Variants in ZMAT3 observed in about 807,000 individuals in gnomAD.
ZMAT3 encodes zinc finger matrin-type protein 3.
A neutral mutation model predicts 32.3 loss-of-function variants in ZMAT3; 17 were observed. The ratio of observed to expected loss-of-function variants is 0.53; its 90% confidence interval spans 0.36 to 0.79. The LOEUF (loss-of-function observed/expected upper bound fraction) is 0.79. Among genes scored for constraint, ZMAT3 ranks in the 30% least tolerant of loss-of-function variants. ZMAT3 has a pLI of 0.00. For missense variants in ZMAT3, 329 were observed against 359.7 expected, an observed-to-expected ratio of 0.91 and a Z score of 0.69; for synonymous variants, 120 against 133.1, an observed-to-expected ratio of 0.90 and a Z score of 0.68.
At chr3:179,044,622 C>A (rs556896376) in intron 2 of ZMAT3, among the ~76,000 whole-genome samples, 44 of 151,808 alleles carry the variant, frequency 2.9e-4, no homozygotes, top group Admixed American at 6.6e-4. Context: ...CCCGCCTGGA[C>A]GACAGAGCAA....
In ZMAT3 at chr3:179,049,294, A is replaced by C. The variant is rs137975576; in HGVS notation, c.270+18189T>G. On this transcript the variant is annotated intron_variant, in intron 2 of 5. Transcript: ENST00000311417. ...GACAGAAAGTCAACAAAGAAACAAT[A>C]AACTATACGTTACAATAAATGCACT... 2.1e-3 allele frequency among the ~76,000 whole-genome samples: 314 copies of C among 152,292 alleles called. 3 individuals are homozygous for C. Among genetic ancestry groups the C allele is most frequent in the African/African-American group, 7.1e-3 (294 of 41,570 alleles).
chr3:179,039,540 A>C (rs776923581), intron 2 of ZMAT3, among the ~76,000 whole-genome samples: 1 of 152,238 alleles, frequency 6.6e-6, no homozygotes, highest in Non-Finnish European at 1.5e-5. Flanking sequence ...ATCAACATCA[A>C]CAAAAAGAAC....
Position 179,025,272 on chromosome 3 carries a change from G to A in ZMAT3, c.659-44C>T, listed in dbSNP as rs182365381. The A allele has an allele frequency of 6.6e-5, 96 of 1,461,010 alleles. No individual in the cohort carries two copies. In the East Asian group the frequency reaches 2.1e-3, roughly 31 times the overall value. The allele number at this position is 1,461,010 out of a possible 1,614,324, so 90.5% of individuals were successfully genotyped here. A position where few individuals can be genotyped will look rare whatever the true frequency, so the allele number is the denominator to read the frequency against. The stretch of plus-strand genomic sequence containing the variant: ...ATAATATATTCAAAATATTCATTAA[G>A]TGAATGACAACCTGACCAATTATCA... On this transcript the variant is annotated intron_variant, in intron 5 of 5. Transcript: ENST00000311417.
chr3:179,053,869 T>A (rs1482382853), intron 2 of ZMAT3, among the ~76,000 whole-genome samples: 1 of 152,170 alleles, frequency 6.6e-6, no homozygotes, highest in Non-Finnish European at 1.5e-5. Flanking sequence ...GAAAACTACC[T>A]GCAAAATTTC....
intron 2 of ZMAT3, among the ~76,000 whole-genome samples, chr3:179,055,926 T>C (rs988984383): frequency 2.0e-5 from 3 of 152,170 alleles, no homozygotes; most frequent in Non-Finnish European, 2.9e-5. Flanking sequence ...CAGTTCCCAG[T>C]GTAGACCCTC....
chr3:179,065,612 T>G (rs902252851), intron 2 of ZMAT3, among the ~76,000 whole-genome samples: 1 of 152,330 alleles, frequency 6.6e-6, no homozygotes, highest in East Asian at 1.9e-4. Flanking sequence ...GCCCGAGAGT[T>G]TTCCCTCATA....
chr3:179,034,181 C>T (rs1719455146), intron 2 of ZMAT3, among the ~76,000 whole-genome samples: 1 of 152,188 alleles, frequency 6.6e-6, no homozygotes, highest in South Asian at 2.1e-4. Context: ...ATATGCTAAG[C>T]CCTAGAAATA....
rs146945768 is a variant in ZMAT3 at position 179,056,230 on chromosome 3, C to T, written c.270+11253G>A. On this transcript the variant is annotated intron_variant, in intron 2 of 5. Transcript: ENST00000311417. ...AAACTTCAAAAGTCTGCCTTAGGCC[C>T]GGAGCAGAACTTAGAAACCCTATTT... 1.1e-4 allele frequency among the ~76,000 whole-genome samples: 17 copies of T among 151,986 alleles called. No homozygotes were observed. In the East Asian group the frequency reaches 1.9e-3, roughly 17 times the overall value.
At chr3:179,035,313 G>A (rs1198654939) in intron 2 of ZMAT3, among the ~76,000 whole-genome samples, 1 of 152,174 alleles carries the variant, frequency 6.6e-6, no homozygotes, top group African/African-American at 2.4e-5. Context: ...TGCTCATTAT[G>A]CTCCTGGCTC....
At chr3:179,052,065 C>T (rs1720595763) in intron 2 of ZMAT3, among the ~76,000 whole-genome samples, 1 of 152,070 alleles carries the variant, frequency 6.6e-6, no homozygotes, top group African/African-American at 2.4e-5. Context: ...AACCTGAAAC[C>T]ATAAAAATTC....
intron 2 of ZMAT3, among the ~76,000 whole-genome samples, chr3:179,062,186 G>T (rs2108584967): frequency 6.6e-6 from 1 of 152,290 alleles, no homozygotes; most frequent in East Asian, 1.9e-4. Context: ...TAAGATCATG[G>T]TGACAATGGA....
chr3:179,024,002 G>A lies in ZMAT3; in HGVS notation c.*1015C>T, dbSNP rs1365456676. ...CCCAAAGTGCTGGGATTACAGGCGT[G>A]AGCCACCGCGCCCGGCCCTATTTTT... On this transcript the variant is annotated 3_prime_UTR_variant, in exon 6 of 6. Transcript: ENST00000311417. The A allele has an allele frequency of 1.3e-5, 2 of 151,556 alleles. No individual in the cohort carries two copies. Among genetic ancestry groups the A allele is most frequent in the Non-Finnish European group, 2.9e-5 (2 of 68,050 alleles). 9.4% of individuals were successfully genotyped at this position (151,556 alleles called of 1,614,324 possible).
At chr3:179,066,291 C>T (rs746739562) in intron 2 of ZMAT3, among the ~76,000 whole-genome samples, 1 of 152,010 alleles carries the variant, frequency 6.6e-6, no homozygotes, top group Non-Finnish European at 1.5e-5. Context: ...TCAAGAGCTG[C>T]GAGATATAAT....
At chr3:179,070,988 T>C (rs956359648) in intron 1 of ZMAT3, among the ~76,000 whole-genome samples, 9 of 152,154 alleles carry the variant, frequency 5.9e-5, no homozygotes, top group Non-Finnish European at 1.2e-4. Flanking sequence ...TAGGTAAGTC[T>C]GTAATTGGGA....
chr3:179,046,738 C>T lies in ZMAT3; in HGVS notation c.271-15739G>A, dbSNP rs1251874755. ...GGTGAGGCCTGTAACAGCCAGCTTT[C>T]CCCCAATTCCCTGGTGACCTGTGTG... is the stretch of plus-strand genomic sequence containing the variant. On this transcript the variant is annotated intron_variant, in intron 2 of 5. Transcript: ENST00000311417. The surrounding 1 kb of genome is among the most constrained non-coding windows in gnomAD (Gnocchi z 4.3). Among the ~76,000 whole-genome samples the T allele has an allele frequency of 6.6e-6, 1 of 152,136 alleles. No homozygotes were observed. The highest frequency in any genetic ancestry group is 1.9e-4 in the East Asian group (1 of 5,178).
chr3:179,069,267 T>C (rs992402734), intron 1 of ZMAT3, among the ~76,000 whole-genome samples: 3 of 152,128 alleles, frequency 2.0e-5, no homozygotes, highest in African/African-American at 4.8e-5. Context: ...ATAGTCTCTA[T>C]TATAATTCCC....
At chr3:179,039,338 G>C (rs926247815) in intron 2 of ZMAT3, among the ~76,000 whole-genome samples, 1 of 152,158 alleles carries the variant, frequency 6.6e-6, no homozygotes, top group Non-Finnish European at 1.5e-5. Context: ...ATAGATGGGT[G>C]CCCCTCTGGG....
chr3:179,052,881 A>T (rs1486553232), intron 2 of ZMAT3, among the ~76,000 whole-genome samples: 2 of 152,192 alleles, frequency 1.3e-5, no homozygotes, highest in Non-Finnish European at 2.9e-5. Context: ...TCATCCCAGC[A>T]CTTTGAAAGG....
chr3:179,034,533 C>T (rs1355831426), intron 2 of ZMAT3, among the ~76,000 whole-genome samples: 6 of 152,180 alleles, frequency 3.9e-5, no homozygotes, highest in Non-Finnish European at 8.8e-5. Flanking sequence ...GTTATTCTAC[C>T]CAGACCTATA....
Sources: gnomAD v4.1 joint callset for allele counts (sites outside exome capture counted in the v4.1 genomes callset) on GRCh38, gnomAD v4.1.1 for gene constraint, Gnocchi (gnomAD v3.1) non-coding constraint, MANE v1.5 for transcripts, NCBI Gene and HGNC (gene_info 2026-07-23, HGNC 2026-07-21) for gene names.